The following KSR2 variants were observed in gnomAD, a reference collection of about 807,000 sequenced individuals.
The protein encoded by KSR2 is kinase suppressor of ras 2.
Under a neutral mutation model 107.8 loss-of-function variants are expected in KSR2, and 25 were observed. The observed-to-expected ratio is 0.23, with a 90% CI of 0.17 to 0.32. The LOEUF is 0.32. KSR2 is among the 10% of genes least tolerant of loss of function. The probability of loss-of-function intolerance (pLI) is 1.00; values close to 1 mark genes in which losing one functional copy is unlikely to be tolerated. For missense variants in KSR2, 887 were observed against 1,268.9 expected (o/e 0.70, Z 4.57); for synonymous variants, 480 against 507.0 (o/e 0.95, Z 0.71).
chr12:117,499,269 G>A (rs1322716756), intron 14 of KSR2, among the ~76,000 whole-genome samples: 1 of 152,226 alleles, frequency 6.6e-6, no homozygotes, highest in Non-Finnish European at 1.5e-5. Context: ...GGAGAGGATA[G>A]CCCCCACGGT....
At chr12:117,726,956 A>G (rs74992338) in intron 4 of KSR2, among the ~76,000 whole-genome samples, 4,135 of 152,246 alleles carry the variant, frequency 0.027, 60 homozygotes, top group Non-Finnish European at 0.034. Context: ...CAAAAAATGT[A>G]CGTTGAAGTC....
chr12:117,820,211 G>A lies in KSR2; in HGVS notation c.472+35217C>T, dbSNP rs916432084. ...TATGAGAGGGAGAAATCAGAGGAGC[G>A]TTAAAGTCTAGGTGACCTTGGACCC... On this transcript the variant is annotated intron_variant, in intron 3 of 19. Coordinates refer to ENST00000339824, the MANE Select transcript of KSR2 (RefSeq NM_173598.6). 5.9e-5 allele frequency among the ~76,000 whole-genome samples: 9 copies of A among 152,256 alleles called. No homozygotes were observed. The South Asian group carries it at 6.2e-4, about 11-fold the overall frequency.
rs766642733 is a variant in KSR2 at position 117,525,195 on chromosome 12, C to T, written c.1876G>A (p.Glu626Lys). Residue 626 changes from glutamate to lysine, a missense_variant, in exon 14 of 20, where the codon GAA (glutamate) becomes AAA (lysine). By Grantham distance (56) the Glu-to-Lys change is moderately conservative. This residue lies in a region of KSR2 where 308 missense variants were observed against 506.2 expected (regional missense o/e 0.61). Coordinates refer to ENST00000339824, the MANE Select transcript of KSR2 (RefSeq NM_173598.6). ...SENEEVHDEA[E>K]ESEDDFEEMN... Reference sequence around the variant, plus strand: ...TCCTCGAAGTCATCCTCTGACTCTTCGGCCTCATCATGGACCTCTTCATTC... The same window carrying T: ...TCCTCGAAGTCATCCTCTGACTCTTTGGCCTCATCATGGACCTCTTCATTC... 8.7e-6 allele frequency: 14 copies of T among 1,609,584 alleles called. No individual in the cohort carries two copies. Among genetic ancestry groups the T allele is most frequent in the Admixed American group, 1.7e-5 (1 of 59,846 alleles).
At chr12:117,930,075 C>T (rs938522270) in intron 1 of KSR2, among the ~76,000 whole-genome samples, 1 of 151,748 alleles carries the variant, frequency 6.6e-6, no homozygotes, top group Non-Finnish European at 1.5e-5. Context: ...GACAGAGTCT[C>T]ACTCTATCAC....
intron 1 of KSR2, among the ~76,000 whole-genome samples, chr12:117,932,882 G>A (rs1179842373): frequency 6.6e-6 from 1 of 151,542 alleles, no homozygotes. Flanking sequence ...GCATGGTGGT[G>A]GGTGCCTGCA....
chr12:117,934,879 G>A (rs1047591505), intron 1 of KSR2, among the ~76,000 whole-genome samples: 12 of 152,090 alleles, frequency 7.9e-5, no homozygotes, highest in African/African-American at 2.9e-4. Context: ...AGGCTGGAGT[G>A]CAGTGGTACG....
At chr12:117,853,062 T>C (rs1892981565) in intron 3 of KSR2, among the ~76,000 whole-genome samples, 1 of 152,028 alleles carries the variant, frequency 6.6e-6, no homozygotes, top group South Asian at 2.1e-4. Context: ...CTCGGCCTCC[T>C]AAAGTGCTGG....
At chr12:117,631,484 T>C (rs1466096934) in intron 5 of KSR2, among the ~76,000 whole-genome samples, 2 of 152,196 alleles carry the variant, frequency 1.3e-5, no homozygotes, top group Non-Finnish European at 2.9e-5. Flanking sequence ...ATTTCATGAT[T>C]CTTCTTTGTG....
At chr12:117,948,880 G>A (rs1896274965) in intron 1 of KSR2, among the ~76,000 whole-genome samples, 1 of 151,976 alleles carries the variant, frequency 6.6e-6, no homozygotes, top group East Asian at 1.9e-4. Context: ...GATCACCTGA[G>A]GTCAGGAGTT....
chr12:117,902,234 G>A (rs1216395621), intron 1 of KSR2, among the ~76,000 whole-genome samples: 1 of 152,154 alleles, frequency 6.6e-6, no homozygotes, highest in East Asian at 1.9e-4. Context: ...CAAGGTGGGT[G>A]GATCACTTGA....
intron 5 of KSR2, among the ~76,000 whole-genome samples, chr12:117,587,582 G>A (rs1487246233): frequency 1.3e-5 from 2 of 152,110 alleles, no homozygotes; most frequent in Non-Finnish European, 2.9e-5. Flanking sequence ...GTTTTCAGCC[G>A]CTGAGTTGGT....
At chr12:117,833,168 T>C (rs2723282) in intron 3 of KSR2, among the ~76,000 whole-genome samples, 79,249 of 151,988 alleles carry the variant, frequency 0.52, 21,268 homozygotes, top group Admixed American at 0.66. Flanking sequence ...GAATTCTATC[T>C]CCTCCCTTTT....
intron 3 of KSR2, among the ~76,000 whole-genome samples, chr12:117,787,589 C>G (rs546714299): frequency 6.6e-6 from 1 of 151,946 alleles, no homozygotes; most frequent in South Asian, 2.1e-4. Context: ...GCCGACACTG[C>G]GCCACTGCAC....
chr12:117,792,890 A>G (rs954560801), intron 3 of KSR2, among the ~76,000 whole-genome samples: 11 of 151,064 alleles, frequency 7.3e-5, no homozygotes, highest in African/African-American at 2.2e-4. Flanking sequence ...CACACACACA[A>G]CATGCAGACC....
chr12:117,793,441 ACACT>A (rs1229011768), intron 3 of KSR2, among the ~76,000 whole-genome samples: 2 of 150,770 alleles, frequency 1.3e-5, no homozygotes, highest in Non-Finnish European at 3.0e-5. Context: ...ACCAACATGC[ACACT>A]CAAACCAACA....
In KSR2 at chr12:117,761,588, A is replaced by G. The variant is rs936442194; in HGVS notation, c.473-64T>C. 1.2e-5 allele frequency: 17 copies of G among 1,464,046 alleles called. No individual in the cohort carries two copies. The African/African-American group carries it at 2.2e-4, about 19-fold the overall frequency. 90.7% of individuals were successfully genotyped at this position (1,464,046 alleles called of 1,614,324 possible). A position where few individuals can be genotyped will look rare whatever the true frequency, so the allele number is the denominator to read the frequency against. The stretch of plus-strand genomic sequence containing the variant: ...ATGAGAAAGCCAGGTGAGTTACACC[A>G]TACACACCATTACATCATACACACA... On this transcript the variant is annotated intron_variant, in intron 3 of 19. Coordinates refer to ENST00000339824, the MANE Select transcript of KSR2 (RefSeq NM_173598.6).
chr12:117,538,805 T>G (rs1041715392), intron 10 of KSR2, among the ~76,000 whole-genome samples: 2 of 152,208 alleles, frequency 1.3e-5, no homozygotes, highest in African/African-American at 2.4e-5. Context: ...ACAAAACAGA[T>G]GTAGACTCTG....
intron 5 of KSR2, among the ~76,000 whole-genome samples, chr12:117,583,872 C>G (rs1879841490): frequency 6.6e-6 from 1 of 152,188 alleles, no homozygotes; most frequent in Non-Finnish European, 1.5e-5. Context: ...GGAGCCAGCT[C>G]CCTGTTTTTG....
intron 5 of KSR2, among the ~76,000 whole-genome samples, chr12:117,619,572 C>T (rs955831136): frequency 5.9e-5 from 9 of 151,482 alleles, no homozygotes; most frequent in East Asian, 2.0e-4. Context: ...TAGTATTCCA[C>T]GGTGTATATG....
Sources: allele counts gnomAD v4.1 joint callset (sites outside exome capture counted in the v4.1 genomes callset), GRCh38; gene constraint gnomAD v4.1.1; regional missense constraint gnomAD v4.1.1; transcripts MANE v1.5; gene names NCBI Gene and HGNC (gene_info 2026-07-23, HGNC 2026-07-21).